Variants in SEMA5A observed in about 807,000 individuals in gnomAD.
SEMA5A encodes semaphorin-5A.
Under a neutral mutation model 135.5 loss-of-function variants are expected in SEMA5A, and 55 were observed. The observed-to-expected ratio is 0.41, with a 90% CI of 0.33 to 0.51. The LOEUF (loss-of-function observed/expected upper bound fraction) is 0.51, where lower values mean the gene tolerates loss of function less well. Among genes scored for constraint, SEMA5A ranks in the 20% least tolerant of loss-of-function variants. The probability of loss-of-function intolerance (pLI) is 0.37; values close to 1 mark genes in which losing one functional copy is unlikely to be tolerated. For synonymous variants in SEMA5A, 580 were observed against 546.5 expected, an observed-to-expected ratio of 1.06 and a Z score of -0.85; for missense variants, 1,290 against 1,419.9, an observed-to-expected ratio of 0.91 and a Z score of 1.47.
At chr5:9,205,960 C>T (rs911569637) in intron 8 of SEMA5A, among the ~76,000 whole-genome samples, 1 of 152,154 alleles carries the variant, frequency 6.6e-6, no homozygotes, top group Non-Finnish European at 1.5e-5. Context: ...GACAGACAGT[C>T]AAATAGCTCT....
chr5:9,169,584 C>G (rs557497845), intron 11 of SEMA5A, among the ~76,000 whole-genome samples: 2 of 152,274 alleles, frequency 1.3e-5, no homozygotes, highest in East Asian at 3.9e-4. Context: ...GGCTTGCTCA[C>G]CTGACATTCT....
chr5:9,293,055 C>T (rs1283428053), intron 5 of SEMA5A, among the ~76,000 whole-genome samples: 1 of 152,172 alleles, frequency 6.6e-6, no homozygotes, highest in African/African-American at 2.4e-5. Flanking sequence ...CCTCTCCCTG[C>T]TCTGAGCCTT....
chr5:9,207,034 A>T (rs1405207718), intron 8 of SEMA5A, among the ~76,000 whole-genome samples: 2 of 141,638 alleles, frequency 1.4e-5, no homozygotes, highest in East Asian at 2.2e-4. Flanking sequence ...CCATTTATTT[A>T]CTCTCAATGT....
At chr5:9,520,087 A>C (rs1332243386) in intron 1 of SEMA5A, 1 of 152,306 alleles carries the variant, frequency 6.6e-6, no homozygotes, top group East Asian at 1.9e-4. Context: ...GCACCTCAGG[A>C]AGGCCCCTCA....
intron 12 of SEMA5A, among the ~76,000 whole-genome samples, chr5:9,139,155 T>A (rs1741926323): frequency 6.6e-6 from 1 of 152,194 alleles, no homozygotes; most frequent in Admixed American, 6.5e-5. Flanking sequence ...CTACTTTTAG[T>A]TCTTTAAGGA....
At chr5:9,287,702 T>C (rs1268721330) in intron 5 of SEMA5A, among the ~76,000 whole-genome samples, 4 of 152,326 alleles carry the variant, frequency 2.6e-5, no homozygotes, top group Non-Finnish European at 5.9e-5. Flanking sequence ...CATATTCATA[T>C]ACTTATTGTC....
intron 5 of SEMA5A, among the ~76,000 whole-genome samples, chr5:9,238,124 T>A (rs1345929346): frequency 6.6e-6 from 1 of 152,146 alleles, no homozygotes; most frequent in Non-Finnish European, 1.5e-5. Context: ...TTTTGGGTAG[T>A]AATGATGGGA....
intron 3 of SEMA5A, among the ~76,000 whole-genome samples, chr5:9,379,584 A>T (rs1203171086): frequency 6.6e-6 from 1 of 152,214 alleles, no homozygotes; most frequent in Non-Finnish European, 1.5e-5. Flanking sequence ...GACCAGAAAT[A>T]ATGAGATTTT....
chr5:9,489,393 T>C (rs1734890253), intron 1 of SEMA5A, among the ~76,000 whole-genome samples: 1 of 152,130 alleles, frequency 6.6e-6, no homozygotes, highest in African/African-American at 2.4e-5. Flanking sequence ...ATAAAACGCA[T>C]ACCTTTGGAA....
At chr5:9,376,155 G>T (rs1755354438) in intron 3 of SEMA5A, among the ~76,000 whole-genome samples, 1 of 152,048 alleles carries the variant, frequency 6.6e-6, no homozygotes, top group African/African-American at 2.4e-5. Flanking sequence ...GTCCCTGCCG[G>T]CATTTTGTCA....
intron 1 of SEMA5A, among the ~76,000 whole-genome samples, chr5:9,463,347 C>T (rs958122226): frequency 1.3e-5 from 2 of 152,160 alleles, no homozygotes; most frequent in Non-Finnish European, 2.9e-5. Context: ...ACCCTCCATA[C>T]ACTTATGGTA....
chr5:9,346,910 GTGTGTA>G (rs201535042), intron 3 of SEMA5A, among the ~76,000 whole-genome samples: 7 of 137,142 alleles, frequency 5.1e-5, no homozygotes, highest in African/African-American at 1.4e-4. Context: ...GTGTGTGTGT[GTGTGTA>G]TATATATATA....
In SEMA5A at chr5:9,202,009, C is replaced by G. The variant is rs115230248; in HGVS notation, c.878G>C (p.Ser293Thr). The G allele has an allele frequency of 6.2e-7, 1 of 1,614,188 alleles. No individual in the cohort carries two copies. The highest frequency in any genetic ancestry group is 8.5e-7 in the Non-Finnish European group (1 of 1,180,018). ...ATCCAGCTCAGGCAGGAAGAAAGTA[C>G]TCTGCAATTCGTTGTAGTAAAAGGG... ...EVPFYYNELQ[S>T]TFFLPELDLI... The change falls in exon 9 of 23, where the codon AGT (serine) becomes ACT (threonine). Residue 293 changes from serine (S) to threonine (T), a missense_variant. By Grantham distance (58) the Ser-to-Thr change is moderately conservative (BLOSUM62 1). Coordinates refer to ENST00000382496, the MANE Select transcript of SEMA5A (RefSeq NM_003966.3).
chr5:9,477,695 G>T (rs549070880), intron 1 of SEMA5A, among the ~76,000 whole-genome samples: 12 of 152,288 alleles, frequency 7.9e-5, no homozygotes, highest in East Asian at 5.8e-4. Context: ...AATTACTCAA[G>T]ATGTGACCTG....
intron 1 of SEMA5A, among the ~76,000 whole-genome samples, chr5:9,539,159 C>A (rs1214459048): frequency 6.6e-6 from 1 of 152,188 alleles, no homozygotes; most frequent in Non-Finnish European, 1.5e-5. Context: ...ACCTGCCTGC[C>A]ATCTTTATGG....
chr5:9,474,581 C>G (rs1385742587), intron 1 of SEMA5A, among the ~76,000 whole-genome samples: 1 of 152,178 alleles, frequency 6.6e-6, no homozygotes, highest in Admixed American at 6.5e-5. Context: ...GCAAGAGAAA[C>G]ACCCACCACG....
intron 1 of SEMA5A, among the ~76,000 whole-genome samples, chr5:9,497,181 A>G (rs1338070947): frequency 6.6e-6 from 1 of 152,196 alleles, no homozygotes; most frequent in Non-Finnish European, 1.5e-5. Context: ...CACAAAGCTA[A>G]GGAGATAATC....
At chr5:9,087,086 G>A (rs1738738937) in intron 16 of SEMA5A, among the ~76,000 whole-genome samples, 1 of 152,140 alleles carries the variant, frequency 6.6e-6, no homozygotes, top group African/African-American at 2.4e-5. Flanking sequence ...AAGTATCAAG[G>A]GAACAGCCAG....
In SEMA5A at chr5:9,495,088, A is replaced by T. The variant is rs530415508; in HGVS notation, c.-175+50496T>A. 2.0e-5 allele frequency among the ~76,000 whole-genome samples: 3 copies of T among 152,346 alleles called. No homozygotes were observed. The South Asian group carries it at 6.2e-4, about 32-fold the overall frequency. On this transcript the variant is annotated intron_variant, in intron 1 of 22. Transcript: ENST00000382496. ...CCAAAGTAATTGTAGGATATTCCAA[A>T]GTGTTTAAATTCTATTTTTCTTTCC...
Sources: allele counts gnomAD v4.1 joint callset (sites outside exome capture counted in the v4.1 genomes callset), GRCh38; gene constraint gnomAD v4.1.1; transcripts MANE v1.5; gene names NCBI Gene and HGNC (gene_info 2026-07-23, HGNC 2026-07-21).